KIAA1217: variants seen among roughly 807,000 people sequenced by gnomAD.
KIAA1217 encodes KIAA1217.
Under a neutral mutation model 163.9 loss-of-function variants are expected in KIAA1217, and 88 were observed. The ratio of observed to expected loss-of-function variants is 0.54; its 90% CI spans 0.45 to 0.64. KIAA1217 has a LOEUF of 0.64. Among genes scored for constraint, KIAA1217 ranks in the 30% least tolerant of loss-of-function variants. The pLI, the probability that KIAA1217 is intolerant of heterozygous loss-of-function variation, is 0.00. For missense variants in KIAA1217, 2,372 were observed against 2,475.0 expected, an observed-to-expected ratio of 0.96 and a Z score of 0.88; for synonymous variants, 903 against 923.1, an observed-to-expected ratio of 0.98 and a Z score of 0.39.
At chr10:23,936,802 G>A (rs1843547693) in intron 1 of KIAA1217, among the ~76,000 whole-genome samples, 1 of 152,150 alleles carries the variant, frequency 6.6e-6, no homozygotes, top group Admixed American at 6.5e-5. Context: ...ATTTGTTATG[G>A]CAGCCCCAGG....
At chr10:24,209,639 A>G (rs1427996157) in intron 1 of KIAA1217, among the ~76,000 whole-genome samples, 2 of 152,180 alleles carry the variant, frequency 1.3e-5, no homozygotes, top group African/African-American at 2.4e-5. Context: ...TGTCTCTAGG[A>G]CCGCAGCTTC....
intron 2 of KIAA1217, among the ~76,000 whole-genome samples, chr10:24,317,241 A>G (rs563083595): frequency 1.7e-3 from 253 of 152,150 alleles, no homozygotes; most frequent in Admixed American, 4.8e-3. Flanking sequence ...ATCATTTGTG[A>G]CAAGGGTCTT....
At chr10:24,065,056 C>A (rs201561980) in intron 2 of KIAA1217, among the ~76,000 whole-genome samples, 2 of 152,040 alleles carry the variant, frequency 1.3e-5, no homozygotes, top group Non-Finnish European at 2.9e-5. Flanking sequence ...GTCTGGCTAG[C>A]GGTCTATCAA....
intron 1 of KIAA1217, among the ~76,000 whole-genome samples, chr10:24,219,403 T>A (rs1363978377): frequency 6.6e-6 from 1 of 152,236 alleles, no homozygotes; most frequent in Non-Finnish European, 1.5e-5. Flanking sequence ...GGAGTCGCCA[T>A]GCCCAATGAA....
chr10:24,127,233 G>GT (rs2131796831), intron 2 of KIAA1217, among the ~76,000 whole-genome samples: 1 of 152,064 alleles, frequency 6.6e-6, no homozygotes, highest in South Asian at 2.1e-4. Context: ...ATGCCTTACA[G>GT]TATAACCTTT....
At chr10:24,009,374 G>A (rs190855046) in intron 2 of KIAA1217, among the ~76,000 whole-genome samples, 8 of 151,780 alleles carry the variant, frequency 5.3e-5, no homozygotes, top group African/African-American at 1.7e-4. Context: ...GCAGAACATC[G>A]ACAGGGATTT....
intron 1 of KIAA1217, among the ~76,000 whole-genome samples, chr10:23,801,163 A>T (rs1051516105): frequency 6.6e-6 from 1 of 152,222 alleles, no homozygotes; most frequent in Non-Finnish European, 1.5e-5. Flanking sequence ...GGATGAGTTC[A>T]TGTCCTTTGC....
At chr10:24,260,348 A>C (rs543917404) in intron 2 of KIAA1217, among the ~76,000 whole-genome samples, 7 of 152,326 alleles carry the variant, frequency 4.6e-5, no homozygotes, top group South Asian at 2.1e-4. Flanking sequence ...GAGAGACACC[A>C]TGAAAAACAA....
chr10:24,495,575 A>G (rs562115978), intron 8 of KIAA1217, among the ~76,000 whole-genome samples: 206 of 152,370 alleles, frequency 1.4e-3, no homozygotes, highest in Middle Eastern at 3.4e-3. Context: ...GGACTAGCCT[A>G]TACCAAGGGC....
At chr10:24,249,130 CCTT>C (rs1470861418) in intron 2 of KIAA1217, among the ~76,000 whole-genome samples, 1 of 152,190 alleles carries the variant, frequency 6.6e-6, no homozygotes, top group Non-Finnish European at 1.5e-5. Context: ...CTTCCTTTCT[CCTT>C]CTCAAAAGCT....
At chr10:24,108,545 A>G (rs1194858816) in intron 2 of KIAA1217, among the ~76,000 whole-genome samples, 4 of 152,216 alleles carry the variant, frequency 2.6e-5, no homozygotes, top group Admixed American at 1.3e-4. Flanking sequence ...GAAGTCAACT[A>G]AAGATTAGAA....
intron 3 of KIAA1217, among the ~76,000 whole-genome samples, chr10:24,424,644 G>T (rs868721932): frequency 9.9e-5 from 15 of 152,044 alleles, no homozygotes; most frequent in African/African-American, 3.6e-4. Context: ...TCACTCTGTC[G>T]CCAGGCTGGA....
intron 2 of KIAA1217, among the ~76,000 whole-genome samples, chr10:24,019,065 G>A (rs1233958992): frequency 6.6e-6 from 1 of 152,008 alleles, no homozygotes; most frequent in Non-Finnish European, 1.5e-5. Flanking sequence ...GCAGGGAGAT[G>A]TCACTTAAAA....
intron 1 of KIAA1217, among the ~76,000 whole-genome samples, chr10:23,985,680 A>G (rs1194490626): frequency 6.6e-6 from 1 of 152,184 alleles, no homozygotes; most frequent in African/African-American, 2.4e-5. Flanking sequence ...TCAAAATCTC[A>G]ATGGCTGAAA....
chr10:24,270,603 C>T (rs750165026), intron 2 of KIAA1217, among the ~76,000 whole-genome samples: 2 of 152,128 alleles, frequency 1.3e-5, no homozygotes, highest in Non-Finnish European at 2.9e-5. Flanking sequence ...TGCAGTGGTG[C>T]GATTTCAGCT....
In KIAA1217 at chr10:24,380,915, G is replaced by A. The variant is rs1453872126; in HGVS notation, c.401G>A (p.Gly134Asp). Residue 134 changes from glycine (G) to aspartate (D), a missense_variant, in exon 3 of 21, where the codon GGT (glycine) becomes GAT (aspartate). Around this residue, in one of 3 missense-constraint regions of KIAA1217, gnomAD observed 1,431 missense variants for 1,470.3 expected, o/e 0.97. Coordinates refer to ENST00000376454, the MANE Select transcript of KIAA1217 (RefSeq NM_019590.5). The part of the protein sequence containing the change: ...LSHSPQPPSL[G>D]DPVEHLSETS... ...CACAGTCCTCAACCACCCAGTCTGG[G>A]TGACCCGGTCGAGCATTTATCAGAG... The A allele has an allele frequency of 6.2e-7, 1 of 1,603,792 alleles. No individual in the cohort carries two copies. The highest frequency in any genetic ancestry group is 8.5e-7 in the Non-Finnish European group (1 of 1,174,090).
chr10:23,913,364 G>A (rs540472709), intron 1 of KIAA1217, among the ~76,000 whole-genome samples: 30 of 151,892 alleles, frequency 2.0e-4, no homozygotes, highest in Admixed American at 3.3e-4. Context: ...ATAGTTTACC[G>A]TGTTGTTTTT....
chr10:23,836,160 T>C (rs1367843672), intron 1 of KIAA1217, among the ~76,000 whole-genome samples: 6 of 152,352 alleles, frequency 3.9e-5, no homozygotes, highest in African/African-American at 1.4e-4. Flanking sequence ...ATATAACCTA[T>C]CAGTCTGTGC....
At chr10:24,544,873 G>A (rs2075544826) in intron 19 of KIAA1217, 108 bp from the exon 20 acceptor site, 2 of 1,207,336 alleles carry the variant, frequency 1.7e-6, no homozygotes. Flanking sequence ...TGCATGTAGG[G>A]CTGTGGCTTC....
Sources: allele counts gnomAD v4.1 joint callset (sites outside exome capture counted in the v4.1 genomes callset), GRCh38; gene constraint gnomAD v4.1.1; regional missense constraint gnomAD v4.1.1; transcripts MANE v1.5; gene names NCBI Gene and HGNC (gene_info 2026-07-23, HGNC 2026-07-21).